Variants in PLCD3 observed in about 807,000 individuals in gnomAD.
PLCD3 encodes 1-phosphatidylinositol 4,5-bisphosphate phosphodiesterase delta-3.
Under a neutral mutation model 82.8 loss-of-function variants are expected in PLCD3, and 62 were observed. The observed-to-expected ratio is 0.75, with a 90% confidence interval of 0.61 to 0.93. The LOEUF is 0.93. Ranked by LOEUF, PLCD3 falls within the 40% of genes least tolerant of loss-of-function variation. PLCD3 has a pLI of 0.00. For missense variants in PLCD3, 1,023 were observed against 1,103.4 expected (o/e 0.93, Z 1.03); for synonymous variants, 478 against 471.8 (o/e 1.01, Z -0.17).
intron 1 of PLCD3, among the ~76,000 whole-genome samples, chr17:45,126,219 G>A (rs1397661838): frequency 6.6e-6 from 1 of 151,210 alleles, no homozygotes. Context: ...AATTTTTTTT[G>A]TATTTTTTAG....
intron 12 of PLCD3, 74 bp from the exon 13 acceptor site, chr17:45,113,331 C>T (rs1315643948): frequency 1.9e-6 from 3 of 1,550,706 alleles, no homozygotes; most frequent in Non-Finnish European, 2.6e-6. Context: ...AAGCTCACAC[C>T]ACCCTCACTT....
At position 45,121,019 on chromosome 17, in the gene PLCD3, C is replaced by G; in HGVS notation, c.437G>C (p.Arg146Pro). ...ARCLTIAFKG[R>P]RKNLDLAAPT... is the part of the protein sequence containing the mutation. ...CGCCGCCAGGTCCAGGTTCTTGCGGCGGCCCTTGAAGGCGATGGTGAGGCA... is the reference window on the plus strand; with the variant it reads ...CGCCGCCAGGTCCAGGTTCTTGCGGGGGCCCTTGAAGGCGATGGTGAGGCA... Residue 146 changes from arginine (R) to proline (P), a missense_variant, in exon 3 of 15, where the codon CGC becomes CCC. Around this residue, in one of 3 missense-constraint regions of PLCD3, gnomAD observed 448 missense variants for 406.3 expected, o/e 1.10. Coordinates refer to ENST00000619929, the MANE Select transcript of PLCD3 (RefSeq NM_133373.5). 2 of 1,539,946 alleles carry G rather than the reference C, an allele frequency of 1.3e-6. No homozygotes were observed. The highest frequency in any genetic ancestry group is 1.7e-6 in the Non-Finnish European group (2 of 1,150,454).
chr17:45,115,165 G>C lies in PLCD3; in HGVS notation c.1640C>G (p.Pro547Arg), dbSNP rs537912422. ...GACCTGGCAGGGTTGTGGGGCGTTGGGGGCAGGGTGCAGGGTCCGCAGGCG... is the reference window on the plus strand; with the variant it reads ...GACCTGGCAGGGTTGTGGGGCGTTGCGGGCAGGGTGCAGGGTCCGCAGGCG... ...ATRLRTLHPA[P>R]NAPQPCQVSS... Residue 547 changes from proline to arginine, a missense_variant, in exon 10 of 15, where the codon CCC (proline) becomes CGC (arginine). Physicochemically the swap from Pro to Arg is moderately radical, Grantham distance 103 (BLOSUM62 -2). This residue lies in a region of PLCD3 where 553 missense variants were observed against 655.7 expected (regional missense o/e 0.84). Coordinates refer to ENST00000619929, the MANE Select transcript of PLCD3 (RefSeq NM_133373.5). 4 of 1,597,704 alleles carry C rather than the reference G, an allele frequency of 2.5e-6. No individual in the cohort carries two copies. The highest frequency in any genetic ancestry group is 1.7e-5 in the Admixed American group (1 of 57,346).
chr17:45,121,766 G>A (rs1381480027), intron 1 of PLCD3, among the ~76,000 whole-genome samples: 1 of 152,110 alleles, frequency 6.6e-6, no homozygotes, highest in Non-Finnish European at 1.5e-5. Flanking sequence ...GAGGTGGGTG[G>A]ATCACTTGAG....
chr17:45,131,565 A>C (rs1475840186), intron 1 of PLCD3, among the ~76,000 whole-genome samples: 1 of 152,090 alleles, frequency 6.6e-6, no homozygotes, highest in Non-Finnish European at 1.5e-5. Flanking sequence ...CAGTTTCCTC[A>C]CTTGTGAAAT....
chr17:45,132,228 G>A lies in PLCD3; in HGVS notation c.163+20C>T. On this transcript the variant is annotated intron_variant, in intron 1 of 14. Transcript: ENST00000619929. This position sits in a 1 kb window ranked among gnomAD's most constrained non-coding sequence, Gnocchi z 4.6. Reference sequence around the variant, plus strand: ...GGGAACGGTCCGCGCCCACCCCACCGCCCCTTGCCCGTCACTGACCCATCT... The same window carrying A: ...GGGAACGGTCCGCGCCCACCCCACCACCCCTTGCCCGTCACTGACCCATCT... The A allele has an allele frequency of 7.9e-7, 1 of 1,261,202 alleles. No homozygotes were observed. The highest frequency in any genetic ancestry group is 1.0e-6 in the Non-Finnish European group (1 of 1,002,594). The allele number at this position is 1,261,202 out of a possible 1,614,324, so 78.1% of individuals were successfully genotyped here. A position where few individuals can be genotyped will look rare whatever the true frequency, so the allele number is the denominator to read the frequency against.
chr17:45,123,401 C>T (rs984461509), intron 1 of PLCD3, among the ~76,000 whole-genome samples: 5 of 152,172 alleles, frequency 3.3e-5, no homozygotes, highest in Admixed American at 1.3e-4. Context: ...AATCTGAGGG[C>T]GGAATGAGGT....
At chr17:45,114,630 C>T (rs964582188) in intron 10 of PLCD3, among the ~76,000 whole-genome samples, 2 of 152,134 alleles carry the variant, frequency 1.3e-5, no homozygotes, top group African/African-American at 2.4e-5. Flanking sequence ...TGAATGCCCA[C>T]GGCCCTCCAG....
chr17:45,130,177 G>T (rs1473030494), intron 1 of PLCD3, among the ~76,000 whole-genome samples: 1 of 152,188 alleles, frequency 6.6e-6, no homozygotes, highest in East Asian at 1.9e-4. Flanking sequence ...CAGTGGTGAG[G>T]AATGAGGGTG....
chr17:45,117,350 A>AT (rs2054299234), intron 7 of PLCD3, among the ~76,000 whole-genome samples: 1 of 151,814 alleles, frequency 6.6e-6, no homozygotes, highest in Non-Finnish European at 1.5e-5. Flanking sequence ...GGCTCAAGTG[A>AT]TCCCCCCACC....
chr17:45,115,198 T>G lies in PLCD3; in HGVS notation c.1607A>C (p.His536Pro). Residue 536 changes from histidine (H) to proline (P), a missense_variant, in exon 10 of 15, where the codon CAC (histidine) becomes CCC (proline). His to Pro is a moderately conservative substitution (Grantham distance 77). This residue lies in a region of PLCD3 where 553 missense variants were observed against 655.7 expected (regional missense o/e 0.84). Coordinates refer to ENST00000619929, the MANE Select transcript of PLCD3 (RefSeq NM_133373.5). Reference protein sequence around the residue: ...PELSALAVYCHATRLRTLHPA... With the variant: ...PELSALAVYCPATRLRTLHPA... ...GTGCAGGGTCCGCAGGCGGGTGGCG[T>G]GGCAGTACACAGCCAGGGCCGACAG... The G allele has an allele frequency of 6.3e-7, 1 of 1,581,254 alleles. No homozygotes were observed.
chr17:45,131,340 C>G (rs1327842289), intron 1 of PLCD3, among the ~76,000 whole-genome samples: 1 of 152,200 alleles, frequency 6.6e-6, no homozygotes, highest in Non-Finnish European at 1.5e-5. Context: ...ATGGCAGGTC[C>G]AACGCAGCAC....
In PLCD3 at chr17:45,112,331, A is replaced by C. The variant is rs879937387; in HGVS notation, c.*285T>G. ...CCTGGCAGCAACAGGCTTGCTCCTC[A>C]TAAGTCACAATGAGGGGTGGGCTGA... On this transcript the variant is annotated 3_prime_UTR_variant, in exon 15 of 15. Transcript: ENST00000619929. 2.0e-5 allele frequency: 9 copies of C among 459,430 alleles called. No homozygotes were observed. The highest frequency in any genetic ancestry group is 3.6e-5 in the Non-Finnish European group (9 of 249,346). 28.5% of individuals were successfully genotyped at this position (459,430 alleles called of 1,614,324 possible).
intron 1 of PLCD3, among the ~76,000 whole-genome samples, chr17:45,122,664 ACCTGCTGCAAAAT>A (rs1268359796): frequency 8.5e-5 from 13 of 152,270 alleles, no homozygotes; most frequent in Middle Eastern, 3.4e-3. Flanking sequence ...CCACAATCAT[ACCTGCTGCAAAAT>A]CCAAAATTCA....
chr17:45,132,471 G>T lies in PLCD3; in HGVS notation c.-61C>A, dbSNP rs1212795888. ...GCACGCGGGGACAGGGCAGCGGGGC[G>T]CCGCTCTGGCCCGGCCCCGGCTCTG... On this transcript the variant is annotated 5_prime_UTR_variant, in exon 1 of 15. Transcript: ENST00000619929. The surrounding 1 kb of genome is among the most constrained non-coding windows in gnomAD (Gnocchi z 4.6). 1.1e-5 allele frequency: 12 copies of T among 1,058,134 alleles called. No individual in the cohort carries two copies. The highest frequency in any genetic ancestry group is 1.4e-5 in the Non-Finnish European group (12 of 848,234). 65.5% of individuals were successfully genotyped at this position (1,058,134 alleles called of 1,614,324 possible).
chr17:45,119,972 A>G (rs2054323322), intron 4 of PLCD3, among the ~76,000 whole-genome samples: 1 of 152,258 alleles, frequency 6.6e-6, no homozygotes, highest in Non-Finnish European at 1.5e-5. Context: ...GCACACGTGT[A>G]TCCGTGCACA....
chr17:45,112,669 C>A lies in PLCD3; in HGVS notation c.2317G>T (p.Ala773Ser). Residue 773 changes from alanine to serine, a missense_variant, in exon 15 of 15, where the codon GCC (alanine) becomes TCC (serine). Transcript: ENST00000619929. ...RHIHLLSKDG[A>S]SLSPATLFIQ... is the part of the protein sequence containing the mutation. Reference sequence around the variant, plus strand: ...AAGAGCGTGGCTGGTGACAGTGAGGCCCCGTCCTTGGAAAGCAGGTGTATG... The same window carrying A: ...AAGAGCGTGGCTGGTGACAGTGAGGACCCGTCCTTGGAAAGCAGGTGTATG... 6.2e-7 allele frequency: 1 copy of A among 1,606,872 alleles called. No homozygotes were observed. Among genetic ancestry groups the A allele is most frequent in the Admixed American group, 1.7e-5 (1 of 59,052 alleles).
At chr17:45,122,233 T>C (rs1334264063) in intron 1 of PLCD3, among the ~76,000 whole-genome samples, 2 of 152,056 alleles carry the variant, frequency 1.3e-5, no homozygotes, top group African/African-American at 2.4e-5. Context: ...TCTCCAGGCA[T>C]GGGAGGCTGA....
At chr17:45,121,169 G>A (rs1170564645) in intron 2 of PLCD3, 39 bp from the exon 3 acceptor site, 3 of 1,536,718 alleles carry the variant, frequency 2.0e-6, no homozygotes, top group East Asian at 2.4e-5. Flanking sequence ...GACCGGGCCT[G>A]TCCCCACCTC....
Sources: gnomAD v4.1 joint callset for allele counts (sites outside exome capture counted in the v4.1 genomes callset) on GRCh38, gnomAD v4.1.1 for gene constraint, gnomAD v4.1.1 regional missense constraint, Gnocchi (gnomAD v3.1) non-coding constraint, MANE v1.5 for transcripts, NCBI Gene and HGNC (gene_info 2026-07-23, HGNC 2026-07-21) for gene names.